The following SIN3B variants were observed in gnomAD, a reference collection of about 807,000 sequenced individuals.
The protein encoded by SIN3B is paired amphipathic helix protein Sin3b.
In SIN3B, 19 loss-of-function variants were observed where a neutral mutation model predicts 120.2. That is an observed-to-expected ratio of 0.16 (90% CI 0.11 to 0.23). SIN3B has a LOEUF of 0.23. SIN3B is among the 10% of genes least tolerant of loss of function. The probability of loss-of-function intolerance (pLI) is 1.00; values close to 1 mark genes in which losing one functional copy is unlikely to be tolerated. For synonymous variants in SIN3B, 654 were observed against 653.2 expected (o/e 1.00, Z -0.02); for missense variants, 1,073 against 1,573.0 (o/e 0.68, Z 5.38).
Position 16,862,176 on chromosome 19 carries a change from C to T in SIN3B, c.1059-176C>T, listed in dbSNP as rs1446533771. Among the ~76,000 whole-genome samples, 3 of 152,132 alleles carry T rather than the reference C, an allele frequency of 2.0e-5. No individual in the cohort carries two copies. The highest frequency in any genetic ancestry group is 2.9e-5 in the Non-Finnish European group (2 of 68,024). On this transcript the variant is annotated intron_variant, in intron 8 of 18. Coordinates refer to ENST00000248054, the MANE Select transcript of SIN3B (RefSeq NM_001297595.2). The surrounding 1 kb of genome is among the most constrained non-coding windows in gnomAD (Gnocchi z 4.7). ...GGGAGGCCCATTCATTCACACACCC[C>T]GGGACTTGCAGTGACTTCCTGTGTA...
At chr19:16,830,347 C>T (rs1449826708) in intron 2 of SIN3B, among the ~76,000 whole-genome samples, 2 of 152,062 alleles carry the variant, frequency 1.3e-5, no homozygotes, top group Non-Finnish European at 2.9e-5. Context: ...CACTGTGGTC[C>T]CAGGCCTGCT....
chr19:16,861,451 A>C (rs1302424535), intron 8 of SIN3B, among the ~76,000 whole-genome samples: 1 of 152,000 alleles, frequency 6.6e-6, no homozygotes, highest in African/African-American at 2.4e-5. Context: ...ACATAGCAAG[A>C]CCCCATCTCT....
chr19:16,860,054 A>C (rs1971665565), intron 8 of SIN3B, among the ~76,000 whole-genome samples: 1 of 152,222 alleles, frequency 6.6e-6, no homozygotes, highest in South Asian at 2.1e-4. Context: ...GCAGTGCCGG[A>C]GCACAGTCAG....
intron 2 of SIN3B, among the ~76,000 whole-genome samples, chr19:16,830,969 A>G (rs908839223): frequency 1.1e-4 from 17 of 152,048 alleles, no homozygotes; most frequent in Admixed American, 7.2e-4. Context: ...GAGCGATGTC[A>G]GTATTCTCTG....
chr19:16,857,517 ATGTGTGTGTGTGTGTGTGTG>A (rs72233219), intron 8 of SIN3B, among the ~76,000 whole-genome samples: 3 of 93,474 alleles, frequency 3.2e-5, no homozygotes, highest in Non-Finnish European at 6.9e-5. Flanking sequence ...TAAAAAAAAT[ATGTGTGTGTGTGTGTGTGTG>A]TGTGTGTGTG....
chr19:16,840,173 C>T (rs1466623184), intron 3 of SIN3B, among the ~76,000 whole-genome samples: 2 of 152,156 alleles, frequency 1.3e-5, no homozygotes, highest in Non-Finnish European at 2.9e-5. Context: ...ACCCCAAATT[C>T]ATGTATTTTA....
chr19:16,875,080 T>C (rs2051572151), intron 14 of SIN3B, among the ~76,000 whole-genome samples: 2 of 150,996 alleles, frequency 1.3e-5, no homozygotes, highest in African/African-American at 4.9e-5. Context: ...TGGTTTGGTC[T>C]GGTCTGGTTT....
chr19:16,846,074 A>G (rs902624062), intron 4 of SIN3B, among the ~76,000 whole-genome samples: 4 of 152,112 alleles, frequency 2.6e-5, no homozygotes, highest in Non-Finnish European at 1.5e-5. Context: ...TGCCCAGCCT[A>G]AATTGTTTCT....
rs139799107 is a variant in SIN3B, at chr19:16,862,627, C to T, written c.1266+68C>T. ...CCCCCACCCCTCCCCAGCAAACACC[C>T]GATACCCCCGTTATGAATGAAATGC... is the stretch of plus-strand genomic sequence containing the variant. On this transcript the variant is annotated intron_variant, in intron 9 of 18. Transcript: ENST00000248054. This position sits in a 1 kb window ranked among gnomAD's most constrained non-coding sequence, Gnocchi z 4.7. The T allele has an allele frequency of 2.8e-5, 38 of 1,369,514 alleles. No homozygotes were observed. Among genetic ancestry groups the T allele is most frequent in the South Asian group, 7.1e-5 (6 of 84,598 alleles). 84.8% of individuals were successfully genotyped at this position (1,369,514 alleles called of 1,614,324 possible).
intron 8 of SIN3B, among the ~76,000 whole-genome samples, chr19:16,857,865 C>CTCTTTTCTTT (rs555825911): frequency 9.2e-5 from 14 of 152,014 alleles, no homozygotes; most frequent in African/African-American, 3.4e-4. Flanking sequence ...CTTTTCTCTT[C>CTCTTTTCTTT]TCTTTTCTTT....
chr19:16,871,471 G>T (rs374751562), intron 14 of SIN3B, 73 bp downstream of exon 14: 1 of 1,434,912 alleles, frequency 7.0e-7, no homozygotes, highest in East Asian at 2.3e-5. Context: ...CTCCCCGCTC[G>T]GGAGGGGGCC....
At chr19:16,855,804 C>G (rs1971607587) in intron 8 of SIN3B, 1 of 152,188 alleles carries the variant, frequency 6.6e-6, no homozygotes, top group Non-Finnish European at 1.5e-5. Context: ...ACCTGTAATC[C>G]CAACACTTTG....
chr19:16,849,005 C>A (rs1310660183), intron 5 of SIN3B, among the ~76,000 whole-genome samples: 1 of 152,170 alleles, frequency 6.6e-6, no homozygotes, highest in Non-Finnish European at 1.5e-5. Context: ...ATGAGACTCT[C>A]AAATAACATT....
At chr19:16,848,973 C>T (rs553814426) in intron 5 of SIN3B, among the ~76,000 whole-genome samples, 18 of 152,252 alleles carry the variant, frequency 1.2e-4, no homozygotes, top group Middle Eastern at 3.4e-3. Context: ...GCAGGGCACC[C>T]GGCTAGCTCA....
At chr19:16,837,023 A>G (rs540147435) in intron 3 of SIN3B, among the ~76,000 whole-genome samples, 2 of 152,222 alleles carry the variant, frequency 1.3e-5, no homozygotes, top group South Asian at 2.1e-4. Flanking sequence ...AGATGGGCAG[A>G]TGCGGGTGGC....
chr19:16,836,076 A>G (rs924797872), intron 3 of SIN3B, among the ~76,000 whole-genome samples: 1 of 152,214 alleles, frequency 6.6e-6, no homozygotes, highest in African/African-American at 2.4e-5. Flanking sequence ...TGAATAAGAG[A>G]GTCCCAGCCT....
At chr19:16,867,628 G>C (rs1214138366) in intron 12 of SIN3B, among the ~76,000 whole-genome samples, 1 of 152,224 alleles carries the variant, frequency 6.6e-6, no homozygotes, top group East Asian at 1.9e-4. Context: ...CACCTGGGCA[G>C]GGGGTGTTGC....
Position 16,876,438 on chromosome 19 carries a change from G to A in SIN3B, c.2767-48G>A, listed in dbSNP as rs113969530. The A allele has an allele frequency of 1.1e-4, 169 of 1,592,010 alleles. No individual in the cohort carries two copies. Among genetic ancestry groups the A allele is most frequent in the Non-Finnish European group, 1.3e-4 (148 of 1,163,436 alleles). Reference sequence around the variant, plus strand: ...TGGCCTTGCGAGCCTGCGCTGTGCCGGCTGGGCTGTGCCGGCAGTGGAGGC... The same window carrying A: ...TGGCCTTGCGAGCCTGCGCTGTGCCAGCTGGGCTGTGCCGGCAGTGGAGGC... On this transcript the variant is annotated intron_variant, in intron 15 of 18. Coordinates refer to ENST00000248054, the MANE Select transcript of SIN3B (RefSeq NM_001297595.2). This position sits in a 1 kb window ranked among gnomAD's most constrained non-coding sequence, Gnocchi z 7.1.
intron 13 of SIN3B, among the ~76,000 whole-genome samples, chr19:16,870,426 G>T (rs552769413): frequency 6.7e-6 from 1 of 149,820 alleles, no homozygotes; most frequent in African/African-American, 2.5e-5. Context: ...GCGCTGTTGC[G>T]CAGGCTGGAG....
Sources: gnomAD v4.1 joint callset for allele counts (sites outside exome capture counted in the v4.1 genomes callset) on GRCh38, gnomAD v4.1.1 for gene constraint, Gnocchi (gnomAD v3.1) non-coding constraint, MANE v1.5 for transcripts, NCBI Gene and HGNC (gene_info 2026-07-23, HGNC 2026-07-21) for gene names.